The following HIVEP2 variants were observed in gnomAD, a reference collection of about 807,000 sequenced individuals.
The protein encoded by HIVEP2 is transcription factor HIVEP2.
HIVEP2 carries 14 observed loss-of-function variants against 180.7 expected under a neutral mutation model. The ratio of observed to expected loss-of-function variants is 0.08; its 90% CI spans 0.05 to 0.12. The LOEUF is 0.12. Among genes scored for constraint, HIVEP2 ranks in the 10% least tolerant of loss-of-function variants. The probability of loss-of-function intolerance (pLI) is 1.00; values close to 1 mark genes in which losing one functional copy is unlikely to be tolerated. For synonymous variants in HIVEP2, 1,184 were observed against 1,136.4 expected (o/e 1.04, Z -0.84); for missense variants, 2,579 against 3,008.5 (o/e 0.86, Z 3.34).
At chr6:142,927,488 G>C (rs1777846317) in intron 1 of HIVEP2, among the ~76,000 whole-genome samples, 1 of 152,144 alleles carries the variant, frequency 6.6e-6, no homozygotes. Context: ...CAGAGCTCCA[G>C]TAAGGTGAAA....
At chr6:142,849,000 T>A (rs1775582695) in intron 1 of HIVEP2, among the ~76,000 whole-genome samples, 1 of 152,250 alleles carries the variant, frequency 6.6e-6, no homozygotes, top group Admixed American at 6.5e-5. Flanking sequence ...TCTAACCACT[T>A]ATACACTTTT....
intron 1 of HIVEP2, among the ~76,000 whole-genome samples, chr6:142,870,985 C>T (rs1776278211): frequency 6.6e-6 from 1 of 152,152 alleles, no homozygotes; most frequent in Admixed American, 6.6e-5. Context: ...TCACTTTGTA[C>T]ACCTACTCTT....
intron 2 of HIVEP2, among the ~76,000 whole-genome samples, chr6:142,815,078 C>G (rs1181520813): frequency 6.6e-6 from 1 of 152,120 alleles, no homozygotes; most frequent in Non-Finnish European, 1.5e-5. Flanking sequence ...CTAACTAATC[C>G]TTTTATAAGG....
intron 1 of HIVEP2, among the ~76,000 whole-genome samples, chr6:142,933,279 A>G (rs1777982395): frequency 1.3e-5 from 2 of 152,254 alleles, no homozygotes; most frequent in African/African-American, 4.8e-5. Flanking sequence ...AGCCTGATGT[A>G]TACAACTGTG....
intron 3 of HIVEP2, among the ~76,000 whole-genome samples, chr6:142,778,048 C>A (rs1302535043): frequency 6.6e-6 from 1 of 152,136 alleles, no homozygotes; most frequent in African/African-American, 2.4e-5. Flanking sequence ...TGTAGTAAGA[C>A]ATCTGTACTC....
In HIVEP2 at chr6:142,772,606, C is replaced by G. The variant is rs1775579069; in HGVS notation, c.2133G>C (p.Met711Ile). Residue 711 changes from methionine to isoleucine, a missense_variant, in exon 5 of 10, where the codon ATG (methionine) becomes ATC (isoleucine). Physicochemically the swap from Met to Ile is conservative, Grantham distance 10. Around this residue, in one of 11 missense-constraint regions of HIVEP2, gnomAD observed 524 missense variants for 563.6 expected, o/e 0.93. Transcript: ENST00000367603. This position sits in a 1 kb window ranked among gnomAD's most constrained non-coding sequence, Gnocchi z 4.9. ...KSVGDEEDTP[M>I]ICSSIVSTPV... is the part of the protein sequence containing the mutation. ...GAGTGCTTACAATGCTGCTGCAGAT[C>G]ATGGGCGTGTCCTCTTCATCCCCTA... The G allele has an allele frequency of 1.2e-6, 2 of 1,614,242 alleles. No homozygotes were observed. The highest frequency in any genetic ancestry group is 1.7e-6 in the Non-Finnish European group (2 of 1,180,042).
At chr6:142,822,157 C>T (rs1236400492) in intron 2 of HIVEP2, among the ~76,000 whole-genome samples, 2 of 152,156 alleles carry the variant, frequency 1.3e-5, no homozygotes, top group Non-Finnish European at 2.9e-5. Context: ...CCTTAATCTG[C>T]AGTAAAACAC....
chr6:142,806,753 A>G (rs1308320834), intron 2 of HIVEP2, among the ~76,000 whole-genome samples: 1 of 152,152 alleles, frequency 6.6e-6, no homozygotes, highest in East Asian at 1.9e-4. Context: ...AACGCATACC[A>G]TGTGATGTTC....
In HIVEP2 at chr6:142,759,905, T is replaced by C. The variant is rs117413571; in HGVS notation, c.6383A>G (p.Asp2128Gly). ...TCTTCTCTCTCTTCTAGGAGAGAGG[T>C]CTCTTCTTGCTGTGATATCTTTCCC... ...SPGKDITARR[D>G]LSPRRERRYM... Residue 2128 changes from aspartate to glycine, a missense_variant, in exon 9 of 10, where the codon GAC (aspartate) becomes GGC (glycine). This residue lies in a region of HIVEP2 where 660 missense variants were observed against 731.7 expected (regional missense o/e 0.90). Coordinates refer to ENST00000367603, the MANE Select transcript of HIVEP2 (RefSeq NM_006734.4). 5.6e-6 allele frequency: 9 copies of C among 1,613,998 alleles called. No individual in the cohort carries two copies. Among genetic ancestry groups the C allele is most frequent in the Non-Finnish European group, 7.6e-6 (9 of 1,179,990 alleles).
chr6:142,922,923 C>T (rs1167497964), intron 1 of HIVEP2, among the ~76,000 whole-genome samples: 1 of 152,116 alleles, frequency 6.6e-6, no homozygotes, highest in Non-Finnish European at 1.5e-5. Context: ...ACACATAGTA[C>T]TCTCCAGAAA....
intron 2 of HIVEP2, among the ~76,000 whole-genome samples, chr6:142,811,886 C>A (rs2114797318): frequency 6.6e-6 from 1 of 152,328 alleles, no homozygotes; most frequent in East Asian, 1.9e-4. Flanking sequence ...GATTTACCCT[C>A]CTGCCTGAAA....
At chr6:142,788,417 A>C (rs1776059135) in intron 2 of HIVEP2, 1 of 152,232 alleles carries the variant, frequency 6.6e-6, no homozygotes, top group African/African-American at 2.4e-5. Context: ...CATTGCATTT[A>C]AGAGCACAGA....
rs149941668 is a variant in HIVEP2, at chr6:142,941,843, A to G, written c.-641+3256T>C. Among the ~76,000 whole-genome samples the G allele has an allele frequency of 2.0e-5, 3 of 152,338 alleles. No homozygotes were observed. The East Asian group carries it at 5.8e-4, about 29-fold the overall frequency. Reference sequence around the variant, plus strand: ...CTGGAAGCATATCATTGAAATTTTCAGGTAGATATTTAAACTGTGAACCGT... The same window carrying G: ...CTGGAAGCATATCATTGAAATTTTCGGGTAGATATTTAAACTGTGAACCGT... On this transcript the variant is annotated intron_variant, in intron 1 of 9. Transcript: ENST00000367603.
chr6:142,838,857 G>T (rs1582902978), intron 1 of HIVEP2, among the ~76,000 whole-genome samples: 1 of 152,216 alleles, frequency 6.6e-6, no homozygotes, highest in East Asian at 1.9e-4. Context: ...CTCGTAAGAG[G>T]TCTTCCATTT....
chr6:142,837,729 T>G (rs554565357), intron 1 of HIVEP2, among the ~76,000 whole-genome samples: 1 of 152,072 alleles, frequency 6.6e-6, no homozygotes, highest in Non-Finnish European at 1.5e-5. Flanking sequence ...AACATTAAAT[T>G]ACTATCTCAG....
At chr6:142,860,100 C>G (rs565571838) in intron 1 of HIVEP2, among the ~76,000 whole-genome samples, 3 of 151,974 alleles carry the variant, frequency 2.0e-5, no homozygotes, top group African/African-American at 7.3e-5. Flanking sequence ...TCTATCCCCT[C>G]GGACCTCCAA....
At chr6:142,917,434 C>A (rs1446771983) in intron 1 of HIVEP2, among the ~76,000 whole-genome samples, 1 of 152,232 alleles carries the variant, frequency 6.6e-6, no homozygotes, top group Non-Finnish European at 1.5e-5. Flanking sequence ...CCACGTGACA[C>A]TACATGCGCT....
rs777486623 is a variant in HIVEP2, at chr6:142,770,035, T to C, written c.4704A>G (p.Glu1568=). 2.5e-6 allele frequency: 4 copies of C among 1,614,062 alleles called. No individual in the cohort carries two copies. The South Asian group carries it at 3.3e-5, about 13-fold the overall frequency. The change falls in exon 5 of 10, where the codon GAA becomes GAG. Residue 1568 remains glutamate, a synonymous_variant. Coordinates refer to ENST00000367603, the MANE Select transcript of HIVEP2 (RefSeq NM_006734.4). The surrounding 1 kb of genome is among the most constrained non-coding windows in gnomAD (Gnocchi z 4.7). The part of the protein sequence containing the change: ...GPSESKESSD[E]LDIDETASDM... Reference sequence around the variant, plus strand: ...CCGATGCCGTCTCATCGATATCTAATTCATCTGAAGATTCTTTGCTTTCAG... The same window carrying C: ...CCGATGCCGTCTCATCGATATCTAACTCATCTGAAGATTCTTTGCTTTCAG...
intron 3 of HIVEP2, 113 bp downstream of exon 3, chr6:142,783,408 G>C (rs1419874393): frequency 6.6e-6 from 1 of 151,084 alleles, no homozygotes; most frequent in African/African-American, 2.4e-5. Flanking sequence ...TCTCTAGATG[G>C]AAAATATATT....
Sources: allele counts gnomAD v4.1 joint callset (sites outside exome capture counted in the v4.1 genomes callset), GRCh38; gene constraint gnomAD v4.1.1; regional missense constraint gnomAD v4.1.1; non-coding constraint Gnocchi (gnomAD v3.1); transcripts MANE v1.5; gene names NCBI Gene and HGNC (gene_info 2026-07-23, HGNC 2026-07-21).